TNR: variants seen among roughly 807,000 people sequenced by gnomAD.
TNR encodes the protein tenascin-R.
In TNR, 45 loss-of-function variants were observed where a neutral mutation model predicts 150.4. The ratio of observed to expected loss-of-function variants is 0.30; its 90% CI spans 0.24 to 0.38. The LOEUF (loss-of-function observed/expected upper bound fraction) is 0.38. Among genes scored for constraint, TNR ranks in the 10% least tolerant of loss-of-function variants. The pLI, the probability that TNR is intolerant of heterozygous loss-of-function variation, is 1.00. For missense variants in TNR, 1,544 were observed against 1,759.1 expected, an observed-to-expected ratio of 0.88 and a Z score of 2.19; for synonymous variants, 687 against 678.4, an observed-to-expected ratio of 1.01 and a Z score of -0.20.
At chr1:175,354,901 C>T (rs1204532605) in intron 17 of TNR, among the ~76,000 whole-genome samples, 1 of 152,192 alleles carries the variant, frequency 6.6e-6, no homozygotes, top group Non-Finnish European at 1.5e-5. Context: ...CTTTTGGTTT[C>T]TGCATATGAT....
intron 2 of TNR, among the ~76,000 whole-genome samples, chr1:175,465,611 A>C (rs1439439360): frequency 6.6e-6 from 1 of 152,186 alleles, no homozygotes; most frequent in Non-Finnish European, 1.5e-5. Flanking sequence ...TGTCTGGCAC[A>C]TAGTAGGGAA....
In TNR at chr1:175,396,777, C is replaced by T; in HGVS notation, c.1007G>A (p.Gly336Asp). The T allele has an allele frequency of 6.2e-7, 1 of 1,614,018 alleles. No individual in the cohort carries two copies. The highest frequency in any genetic ancestry group is 8.5e-7 in the Non-Finnish European group (1 of 1,179,890). Residue 336 changes from glycine to aspartate, a missense_variant, in exon 5 of 23, where the codon GGT becomes GAT. By Grantham distance (94) the Gly-to-Asp change is moderately conservative. Transcript: ENST00000367674. ...VAPPEDLRVA[G>D]ISDRSIELEW... is the part of the protein sequence containing the mutation. Reference sequence around the variant, plus strand: ...CAGCTCAATGGACCTGTCGCTGATACCAGCCACTCGCAAGTCCTCTGGAGG... The same window carrying T: ...CAGCTCAATGGACCTGTCGCTGATATCAGCCACTCGCAAGTCCTCTGGAGG...
intron 2 of TNR, among the ~76,000 whole-genome samples, chr1:175,511,755 A>G (rs1659183857): frequency 6.6e-6 from 1 of 152,142 alleles, no homozygotes; most frequent in Admixed American, 6.5e-5. Flanking sequence ...CACACTGACA[A>G]ATCTCTCAGT....
Position 175,519,108 on chromosome 1 carries a change from A to G in TNR, c.-64+9161T>C, listed in dbSNP as rs1486172210. Among the ~76,000 whole-genome samples, 4 of 152,090 alleles carry G rather than the reference A, an allele frequency of 2.6e-5. No individual in the cohort carries two copies. In the East Asian group the frequency reaches 5.8e-4, roughly 22 times the overall value. On this transcript the variant is annotated intron_variant, in intron 2 of 22. Transcript: ENST00000367674. ...ACTCTTATTTACAACTCACTCCTTCATCCTCATTTCTCTTTCTGTAACAGC... is the reference window on the plus strand; with the variant it reads ...ACTCTTATTTACAACTCACTCCTTCGTCCTCATTTCTCTTTCTGTAACAGC...
At chr1:175,442,292 A>T (rs1180254336) in intron 2 of TNR, among the ~76,000 whole-genome samples, 2 of 152,128 alleles carry the variant, frequency 1.3e-5, no homozygotes, top group African/African-American at 4.8e-5. Context: ...CAGTCTCATA[A>T]ATTAGGACAA....
At chr1:175,324,982 C>CCCA (rs963471225) in intron 21 of TNR, among the ~76,000 whole-genome samples, 1 of 152,184 alleles carries the variant, frequency 6.6e-6, no homozygotes, top group Non-Finnish European at 1.5e-5. Context: ...AAACTGCATT[C>CCCA]TGAACTTGAG....
At chr1:175,417,762 A>G (rs1250486905) in intron 2 of TNR, among the ~76,000 whole-genome samples, 3 of 152,246 alleles carry the variant, frequency 2.0e-5, no homozygotes, top group African/African-American at 7.2e-5. Flanking sequence ...CCCTAAAAAT[A>G]TCAAATGACA....
intron 1 of TNR, among the ~76,000 whole-genome samples, chr1:175,690,514 C>T (rs1400894381): frequency 1.3e-5 from 2 of 152,124 alleles, no homozygotes; most frequent in Admixed American, 1.3e-4. Context: ...CAGCTCAGTC[C>T]CCAGGTGGGA....
rs74129313 is a variant in TNR at position 175,702,103 on chromosome 1, G to A, written c.-165+41123C>T. On this transcript the variant is annotated intron_variant, in intron 1 of 22. Coordinates refer to ENST00000367674, the MANE Select transcript of TNR (RefSeq NM_003285.3). The stretch of plus-strand genomic sequence containing the variant: ...GCAAGTCAAATTACTTATTTTCCAG[G>A]GTTTTTTTCCGAAGTAAGATACTCT... Among the ~76,000 whole-genome samples the A allele has an allele frequency of 4.6e-3, 707 of 152,166 alleles. 3 individuals carry two copies. Among genetic ancestry groups the A allele is most frequent in the African/African-American group, 0.016 (672 of 41,508 alleles).
At chr1:175,516,822 G>A (rs1659424653) in intron 2 of TNR, among the ~76,000 whole-genome samples, 1 of 152,084 alleles carries the variant, frequency 6.6e-6, no homozygotes, top group Non-Finnish European at 1.5e-5. Flanking sequence ...TATTTGTAGT[G>A]CATTTTTTAG....
chr1:175,585,466 T>C (rs1662527426), intron 1 of TNR, among the ~76,000 whole-genome samples: 1 of 152,214 alleles, frequency 6.6e-6, no homozygotes, highest in Admixed American at 6.5e-5. Context: ...ATGAAACTAC[T>C]ATTATTCCCA....
At chr1:175,416,836 G>A (rs988257246) in intron 2 of TNR, among the ~76,000 whole-genome samples, 1 of 152,002 alleles carries the variant, frequency 6.6e-6, no homozygotes, top group African/African-American at 2.4e-5. Context: ...GGGAAACCCC[G>A]TCTCTACTAA....
intron 14 of TNR, among the ~76,000 whole-genome samples, chr1:175,360,651 T>C (rs1054629189): frequency 6.6e-6 from 1 of 152,232 alleles, no homozygotes; most frequent in East Asian, 1.9e-4. Context: ...TATTCTCTAA[T>C]TGAAAGTATT....
intron 1 of TNR, among the ~76,000 whole-genome samples, chr1:175,628,646 G>A (rs1225094627): frequency 1.3e-5 from 2 of 152,070 alleles, no homozygotes; most frequent in African/African-American, 4.8e-5. Context: ...TTTGAAGCTT[G>A]TGCCAACACT....
At chr1:175,682,076 A>G (rs1571747094) in intron 1 of TNR, among the ~76,000 whole-genome samples, 1 of 152,192 alleles carries the variant, frequency 6.6e-6, no homozygotes, top group East Asian at 1.9e-4. Flanking sequence ...TCAACAGCAT[A>G]AGGATGGTTT....
At chr1:175,337,887 T>A (rs1188359044) in intron 18 of TNR, among the ~76,000 whole-genome samples, 2 of 152,174 alleles carry the variant, frequency 1.3e-5, no homozygotes, top group African/African-American at 4.8e-5. Flanking sequence ...TCAGACAACA[T>A]ACAATTTCAT....
chr1:175,715,610 T>A (rs1464070240), intron 1 of TNR, among the ~76,000 whole-genome samples: 2 of 152,212 alleles, frequency 1.3e-5, no homozygotes, highest in Non-Finnish European at 2.9e-5. Flanking sequence ...ACAGGGCTCC[T>A]CTCAGGAGCT....
chr1:175,656,097 T>TA (rs1434925862), intron 1 of TNR, among the ~76,000 whole-genome samples: 2 of 150,952 alleles, frequency 1.3e-5, no homozygotes, highest in African/African-American at 4.9e-5. Flanking sequence ...AGGGCACCTT[T>TA]AAAAAAATCT....
At chr1:175,652,935 C>T (rs1278764356) in intron 1 of TNR, among the ~76,000 whole-genome samples, 2 of 152,160 alleles carry the variant, frequency 1.3e-5, no homozygotes, top group Non-Finnish European at 2.9e-5. Flanking sequence ...TTTGAAGAGA[C>T]TGTCAATGTC....
Sources: allele counts gnomAD v4.1 joint callset (sites outside exome capture counted in the v4.1 genomes callset), GRCh38; gene constraint gnomAD v4.1.1; transcripts MANE v1.5; gene names NCBI Gene and HGNC (gene_info 2026-07-23, HGNC 2026-07-21).